KCNQ2: variants seen among roughly 807,000 people sequenced by gnomAD.
KCNQ2 encodes the protein potassium voltage-gated channel subfamily Q member 2, also known as potassium voltage-gated channel subfamily KQT member 2.
A neutral mutation model predicts 84.8 loss-of-function variants in KCNQ2; 14 were observed. The observed-to-expected ratio is 0.17, with a 90% CI of 0.11 to 0.26. KCNQ2 has a LOEUF of 0.26. KCNQ2 is among the 10% of genes least tolerant of loss of function. The pLI, the probability that KCNQ2 is intolerant of heterozygous loss-of-function variation, is 1.00. For missense variants in KCNQ2, 788 were observed against 1,254.0 expected (o/e 0.63, Z 5.61); for synonymous variants, 599 against 554.1 (o/e 1.08, Z -1.14).
At chr20:63,442,857 C>CCAT (rs1568934844) in intron 4 of KCNQ2, among the ~76,000 whole-genome samples, 1 of 26,192 alleles carries the variant, frequency 3.8e-5, no homozygotes, top group Non-Finnish European at 7.2e-5. Flanking sequence ...ACCATCACCA[C>CCAT]CACCATCACC....
rs1215026765 is a variant in KCNQ2 at position 63,446,783 on chromosome 20, C to A, written c.351G>T (p.Glu117Asp). 3.1e-6 allele frequency: 5 copies of A among 1,613,416 alleles called. No individual in the cohort carries two copies. Among genetic ancestry groups the A allele is most frequent in the Non-Finnish European group, 4.2e-6 (5 of 1,179,958 alleles). ...LVLSVFSTIK[E>D]YEKSSEGALY... ...GGGCCCCCTCCGAGCTCTTCTCATA[C>A]TCCTTGATGGTGGAAAACACAGACA... The change falls in exon 2 of 17, where the codon GAG (glutamate) becomes GAT (aspartate). Residue 117 changes from glutamate to aspartate, a missense_variant. Glu to Asp is a conservative substitution (Grantham distance 45, BLOSUM62 2). Coordinates refer to ENST00000359125, the MANE Select transcript of KCNQ2 (RefSeq NM_172107.4). This position sits in a 1 kb window ranked among gnomAD's most constrained non-coding sequence, Gnocchi z 5.5.
At chr20:63,464,023 T>C (rs961129994) in intron 1 of KCNQ2, among the ~76,000 whole-genome samples, 5 of 152,114 alleles carry the variant, frequency 3.3e-5, no homozygotes, top group African/African-American at 7.2e-5. Context: ...TGCTCTCCTA[T>C]GCATCCACAA....
chr20:63,406,289 AC>A lies in KCNQ2; in HGVS notation c.*354del, dbSNP rs35230349. On this transcript the variant is annotated 3_prime_UTR_variant, in exon 17 of 17. Transcript: ENST00000359125. Reference sequence around the variant, plus strand: ...GCCTCCCCTGGGCTCGGCTGAGACAACCCCCCGCCTGTTGCCACGCTGGCAA... The same window carrying A: ...GCCTCCCCTGGGCTCGGCTGAGACAACCCCCGCCTGTTGCCACGCTGGCAA... The A allele has an allele frequency of 7.6e-3, 2,004 of 264,350 alleles. 41 individuals are homozygous for A. Among genetic ancestry groups the A allele is most frequent in the African/African-American group, 0.042 (1,892 of 44,746 alleles). The allele number at this position is 264,350 out of a possible 1,614,324, so 16.4% of individuals were successfully genotyped here.
Position 63,404,475 on chromosome 20 carries a change from C to A in KCNQ2, c.*2169G>T, listed in dbSNP as rs2079882521. On this transcript the variant is annotated 3_prime_UTR_variant, in exon 17 of 17. Transcript: ENST00000359125. ...TGCAGGGGGACACACAGCACAGCCTCCCTCCACTGCCAGGTCTCCCTTCTC... is the reference window on the plus strand; with the variant it reads ...TGCAGGGGGACACACAGCACAGCCTACCTCCACTGCCAGGTCTCCCTTCTC... 6.6e-6 allele frequency: 1 copy of A among 152,266 alleles called. No individual in the cohort carries two copies. Among genetic ancestry groups the A allele is most frequent in the Admixed American group, 6.5e-5 (1 of 15,278 alleles). 9.4% of individuals were successfully genotyped at this position (152,266 alleles called of 1,614,324 possible).
chr20:63,411,077 T>C, intron 15 of KCNQ2: 1 of 440,234 alleles, frequency 2.3e-6, no homozygotes, highest in Non-Finnish European at 4.5e-6. Flanking sequence ...CAGCCGGGGC[T>C]CTCGCCAGCT....
chr20:63,431,106 C>A (rs920959849), intron 9 of KCNQ2, among the ~76,000 whole-genome samples: 3 of 152,104 alleles, frequency 2.0e-5, no homozygotes, highest in Non-Finnish European at 2.9e-5. Flanking sequence ...TGGATGGGCC[C>A]TGGGAGGGCA....
intron 7 of KCNQ2, among the ~76,000 whole-genome samples, chr20:63,436,158 CAG>C (rs2080995330): frequency 6.6e-6 from 1 of 152,206 alleles, no homozygotes; most frequent in African/African-American, 2.4e-5. Context: ...CGCTATCCAA[CAG>C]AATCGCATGC....
At chr20:63,429,046 T>C (rs1274103914) in intron 9 of KCNQ2, among the ~76,000 whole-genome samples, 1 of 151,828 alleles carries the variant, frequency 6.6e-6, no homozygotes, top group East Asian at 1.9e-4. Flanking sequence ...TACCCACCCC[T>C]GTCTTCCTGC....
rs185171198 is a variant in KCNQ2, at chr20:63,436,518, G to A, written c.1023+2107C>T. On this transcript the variant is annotated intron_variant, in intron 7 of 16. Transcript: ENST00000359125. The stretch of plus-strand genomic sequence containing the variant: ...TGCACTCCAGCCTGGGCAACAGAGC[G>A]AGACTCCGTCTCAAAAAAAAAAAAA... Among the ~76,000 whole-genome samples the A allele has an allele frequency of 6.3e-3, 943 of 149,476 alleles. 11 individuals are homozygous for A. The highest frequency in any genetic ancestry group is 0.022 in the African/African-American group (889 of 40,566).
At chr20:63,436,666 T>C (rs1044950025) in intron 7 of KCNQ2, among the ~76,000 whole-genome samples, 1 of 152,188 alleles carries the variant, frequency 6.6e-6, no homozygotes, top group African/African-American at 2.4e-5. Context: ...ATTGTTAGTA[T>C]TTTTTTAGCA....
intron 14 of KCNQ2, 101 bp downstream of exon 14, chr20:63,413,987 G>A: frequency 1.2e-6 from 1 of 862,718 alleles, no homozygotes; most frequent in Non-Finnish European, 2.0e-6. Flanking sequence ...TCTGTCTCTG[G>A]GCGGCTCTGT....
intron 1 of KCNQ2, chr20:63,448,399 G>A (rs2081498442): frequency 6.6e-6 from 1 of 152,302 alleles, no homozygotes; most frequent in Admixed American, 6.5e-5. Flanking sequence ...CTCAGAACCA[G>A]GAGCCGGCGG....
chr20:63,409,539 C>G (rs1331839055), intron 15 of KCNQ2, among the ~76,000 whole-genome samples: 1 of 152,242 alleles, frequency 6.6e-6, no homozygotes, highest in East Asian at 1.9e-4. Flanking sequence ...CACTTGGAAA[C>G]AAAGACCCTG....
At chr20:63,440,186 G>A (rs1397333600) in intron 5 of KCNQ2, among the ~76,000 whole-genome samples, 2 of 152,122 alleles carry the variant, frequency 1.3e-5, no homozygotes, top group East Asian at 1.9e-4. Flanking sequence ...GGTCTCCACC[G>A]AGCCATGGCG....
chr20:63,463,124 G>T (rs541258164), intron 1 of KCNQ2, among the ~76,000 whole-genome samples: 3 of 151,962 alleles, frequency 2.0e-5, no homozygotes, highest in African/African-American at 4.8e-5. Flanking sequence ...CTGGAAGAAC[G>T]GGTAAGAAGG....
chr20:63,452,600 G>A (rs771390691), intron 1 of KCNQ2, among the ~76,000 whole-genome samples: 24 of 152,256 alleles, frequency 1.6e-4, no homozygotes, highest in Admixed American at 5.9e-4. Flanking sequence ...TGGGCATCAC[G>A]GGCTGGGAGA....
intron 15 of KCNQ2, chr20:63,409,996 G>T: frequency 3.4e-6 from 1 of 291,606 alleles, no homozygotes; most frequent in Non-Finnish European, 6.7e-6. Context: ...TGGGCCAGGG[G>T]TGTTATCTTC....
At position 63,463,507 on chromosome 20, in the gene KCNQ2, A is replaced by C. The variant is rs145572385; in HGVS notation, c.296+8661T>G. On this transcript the variant is annotated intron_variant, in intron 1 of 16. Transcript: ENST00000359125. ...ACGTGCCCTCTGCACCCTGAGTCCC[A>C]GCTTAGAACCCTGCACCCGCACACA... Among the ~76,000 whole-genome samples the C allele has an allele frequency of 6.6e-5, 10 of 152,238 alleles. No individual in the cohort carries two copies. The East Asian group carries it at 1.7e-3, about 27-fold the overall frequency.
chr20:63,429,012 G>A lies in KCNQ2; in HGVS notation c.1149-577C>T, dbSNP rs577894355. Among the ~76,000 whole-genome samples, 114 of 152,008 alleles carry A rather than the reference G, an allele frequency of 7.5e-4. 2 individuals carry two copies. The highest frequency in any genetic ancestry group is 3.4e-3 in the Middle Eastern group (1 of 294). ...TCCGCAGGTGGCCCAGCTCTGCTCC[G>A]AGCCCCCTTCCCAGTCCTGGTCATA... On this transcript the variant is annotated intron_variant, in intron 9 of 16. Coordinates refer to ENST00000359125, the MANE Select transcript of KCNQ2 (RefSeq NM_172107.4).
Sources: gnomAD v4.1 joint callset for allele counts (sites outside exome capture counted in the v4.1 genomes callset) on GRCh38, gnomAD v4.1.1 for gene constraint, Gnocchi (gnomAD v3.1) non-coding constraint, MANE v1.5 for transcripts, NCBI Gene and HGNC (gene_info 2026-07-23, HGNC 2026-07-21) for gene names.